The following LPO variants were observed in gnomAD, a reference collection of about 807,000 sequenced individuals.
The protein encoded by LPO is salivary peroxidase.
A neutral mutation model predicts 68.4 loss-of-function variants in LPO; 70 were observed. That is an observed-to-expected ratio of 1.02 (90% CI 0.84 to 1.25). The LOEUF is 1.25. LPO is among the 50% of genes most tolerant of loss of function. LPO has a pLI of 0.00. For synonymous variants in LPO, 360 were observed against 357.6 expected, an observed-to-expected ratio of 1.01 and a Z score of -0.08; for missense variants, 873 against 908.4, an observed-to-expected ratio of 0.96 and a Z score of 0.50.
At position 58,266,182 on chromosome 17, in the gene LPO, C is replaced by A; in HGVS notation, c.1549C>A (p.Leu517Met). Residue 517 changes from leucine to methionine, a missense_variant, in exon 11 of 13, where the codon CTG becomes ATG. Leu to Met is a conservative substitution (Grantham distance 15). Coordinates refer to ENST00000262290, the MANE Select transcript of LPO (RefSeq NM_006151.3). ...AATTGATCCTCTGGTGCGGGGCCTG[C>A]TGGCCAAGAAATCCAAGCTGATGAA... ...GGIDPLVRGL[L>M]AKKSKLMKQN... The A allele has an allele frequency of 6.2e-7, 1 of 1,614,038 alleles. No homozygotes were observed. The highest frequency in any genetic ancestry group is 8.5e-7 in the Non-Finnish European group (1 of 1,179,990).
intron 9 of LPO, 117 bp from the exon 10 acceptor site, chr17:58,264,605 T>C: frequency 2.0e-6 from 2 of 1,004,466 alleles, no homozygotes; most frequent in Non-Finnish European, 3.1e-6. Context: ...TGCTATCCAT[T>C]TGCCATCCTT....
intron 9 of LPO, among the ~76,000 whole-genome samples, chr17:58,255,648 C>A (rs1322903621): frequency 1.3e-5 from 2 of 152,140 alleles, no homozygotes; most frequent in African/African-American, 4.8e-5. Context: ...AGTGGCAGGG[C>A]TCTTGGGCCT....
In LPO at chr17:58,266,372, T is replaced by C. The variant is rs763674970; in HGVS notation, c.1693+46T>C. 1.9e-6 allele frequency: 3 copies of C among 1,585,720 alleles called. No homozygotes were observed. The African/African-American group carries it at 4.1e-5, about 21-fold the overall frequency. ...CTGCACTGGGGAAATTTTAGCTAAC[T>C]TTCTAGGGCTCCTGGAGACTCTCTT... On this transcript the variant is annotated intron_variant, in intron 11 of 12. Coordinates refer to ENST00000262290, the MANE Select transcript of LPO (RefSeq NM_006151.3).
intron 9 of LPO, among the ~76,000 whole-genome samples, chr17:58,255,191 G>A (rs1970047980): frequency 6.6e-6 from 1 of 152,202 alleles, no homozygotes; most frequent in South Asian, 2.1e-4. Context: ...GATTTGGAGT[G>A]TTGGAAAGTC....
rs1277456477 is a variant in LPO at position 58,264,717 on chromosome 17, T to A, written c.1267-5T>A. 1.5e-5 allele frequency: 24 copies of A among 1,613,712 alleles called. No homozygotes were observed. Among genetic ancestry groups the A allele is most frequent in the Non-Finnish European group, 2.0e-5 (24 of 1,179,912 alleles). On this transcript the variant is annotated splice_polypyrimidine_tract_variant and splice_region_variant and intron_variant, in intron 9 of 12. Transcript: ENST00000262290. ...CCTTTCCTCTTGATTTTATTCTCCC[T>A]CCAGATTATCACCTTTAGGGACTAC... is the stretch of plus-strand genomic sequence containing the variant.
chr17:58,252,041 A>G, intron 7 of LPO, 141 bp from the exon 8 acceptor site: 2 of 777,238 alleles, frequency 2.6e-6, no homozygotes, highest in Non-Finnish European at 4.6e-6. Flanking sequence ...GTCAGCAAGA[A>G]GTGTCTGGGG....
At chr17:58,255,624 G>A (rs1460713977) in intron 9 of LPO, among the ~76,000 whole-genome samples, 3 of 152,160 alleles carry the variant, frequency 2.0e-5, no homozygotes, top group Non-Finnish European at 4.4e-5. Context: ...AGGAGTGGGA[G>A]CCAGGCGGGC....
intron 4 of LPO, 43 bp downstream of exon 4, chr17:58,247,681 C>T: frequency 5.0e-6 from 8 of 1,598,380 alleles, no homozygotes; most frequent in Non-Finnish European, 6.0e-6. Flanking sequence ...AAGGGGTCAT[C>T]TCCCCACAGG....
chr17:58,267,895 A>G lies in LPO; in HGVS notation c.2040A>G (p.Pro680=). ...VCDNTRITKV[P]RDPFWANSYP... The stretch of plus-strand genomic sequence containing the variant: ...ACAACACCCGCATCACCAAGGTCCC[A>G]CGGGACCCATTCTGGGCCAACAGCT... The change falls in exon 13 of 13, where the codon CCA becomes CCG. Residue 680 remains proline, a synonymous_variant. Coordinates refer to ENST00000262290, the MANE Select transcript of LPO (RefSeq NM_006151.3). 1 of 1,614,124 alleles carries G rather than the reference A, an allele frequency of 6.2e-7. No homozygotes were observed. Among genetic ancestry groups the G allele is most frequent in the Non-Finnish European group, 8.5e-7 (1 of 1,179,988 alleles).
chr17:58,254,703 C>CG (rs557181459), intron 8 of LPO, 108 bp from the exon 9 acceptor site: 9,052 of 881,408 alleles, frequency 0.01, 36 homozygotes, highest in African/African-American at 0.032. Flanking sequence ...GTTGACGGGG[C>CG]GGGGGGGGCG....
At chr17:58,243,652 G>T (rs1404111188) in intron 2 of LPO, 4 of 357,682 alleles carry the variant, frequency 1.1e-5, no homozygotes, top group African/African-American at 2.1e-5. Flanking sequence ...ATGAACTTGA[G>T]ATAGTCCACA....
chr17:58,248,610 C>T (rs1468187312), intron 4 of LPO, among the ~76,000 whole-genome samples: 1 of 152,156 alleles, frequency 6.6e-6, no homozygotes, highest in South Asian at 2.1e-4. Flanking sequence ...CCTTCCCAAC[C>T]TCTATCCTAG....
In LPO at chr17:58,264,782, C is replaced by T. The variant is rs767707831; in HGVS notation, c.1327C>T (p.Pro443Ser). Reference protein sequence around the residue: ...LLGDHMQKWIPPYQGYSESVD... With the variant: ...LLGDHMQKWISPYQGYSESVD... ...AGGTGACCACATGCAGAAGTGGATA[C>T]CCCCATATCAAGGCTACAGTGAATC... Residue 443 changes from proline (P) to serine (S), a missense_variant, in exon 10 of 13, where the codon CCC becomes TCC. Physicochemically the swap from Pro to Ser is moderately conservative, Grantham distance 74. Coordinates refer to ENST00000262290, the MANE Select transcript of LPO (RefSeq NM_006151.3). The T allele has an allele frequency of 6.2e-7, 1 of 1,614,164 alleles. No individual in the cohort carries two copies. The highest frequency in any genetic ancestry group is 1.3e-5 in the African/African-American group (1 of 75,042).
chr17:58,248,974 T>C, intron 4 of LPO, 86 bp from the exon 5 acceptor site: 1 of 973,834 alleles, frequency 1.0e-6, no homozygotes, highest in Admixed American at 1.7e-5. Flanking sequence ...ACATGCAGGT[T>C]CACCTCTGGT....
intron 6 of LPO, 37 bp downstream of exon 6, chr17:58,249,732 C>A: frequency 6.5e-7 from 1 of 1,533,102 alleles, no homozygotes; most frequent in Non-Finnish European, 8.7e-7. Flanking sequence ...GGATGGGAGC[C>A]AGAGGGGACG....
chr17:58,264,928 C>A lies in LPO; in HGVS notation c.1473C>A (p.Leu491=). Residue 491 remains leucine, a synonymous_variant, in exon 10 of 13, where the codon CTC becomes CTA. Transcript: ENST00000262290. ...NYQPWGPEPE[L]PLHTLFFNTW... is the part of the protein sequence containing the mutation. The stretch of plus-strand genomic sequence containing the variant: ...AGCCATGGGGGCCAGAACCAGAACT[C>A]CCCCTCCACACCCTCTTCTTCAACA... The A allele has an allele frequency of 6.2e-7, 1 of 1,614,232 alleles. No individual in the cohort carries two copies. Among genetic ancestry groups the A allele is most frequent in the Non-Finnish European group, 8.5e-7 (1 of 1,180,040 alleles).
intron 3 of LPO, among the ~76,000 whole-genome samples, chr17:58,244,734 T>C (rs949422902): frequency 5.3e-5 from 8 of 152,078 alleles, no homozygotes; most frequent in African/African-American, 1.9e-4. Flanking sequence ...GGCACACCTG[T>C]GGAATTCCCG....
rs952564562 is a variant in LPO, at chr17:58,247,459, C to T, written c.165-19C>T. ...TCCTACAGGGTCCAGGCCATGATCC[C>T]CATCTCCCTCCACTGTAGGCTGAAG... On this transcript the variant is annotated intron_variant, in intron 3 of 12. Coordinates refer to ENST00000262290, the MANE Select transcript of LPO (RefSeq NM_006151.3). 1.9e-6 allele frequency: 3 copies of T among 1,609,442 alleles called. No individual in the cohort carries two copies. The highest frequency in any genetic ancestry group is 2.7e-5 in the African/African-American group (2 of 74,916).
At chr17:58,241,125 CTTTTT>C in intron 1 of LPO, among the ~76,000 whole-genome samples, 1 of 91,274 alleles carries the variant, frequency 1.1e-5, no homozygotes, top group African/African-American at 4.4e-5. Context: ...TTTCTTTTTT[CTTTTT>C]TTTTTTTTTT....
Sources: allele counts gnomAD v4.1 joint callset (sites outside exome capture counted in the v4.1 genomes callset), GRCh38; gene constraint gnomAD v4.1.1; transcripts MANE v1.5; gene names NCBI Gene and HGNC (gene_info 2026-07-23, HGNC 2026-07-21).